Variants in DMD observed in about 807,000 individuals in gnomAD.
DMD encodes dystrophin, also known as mutant dystrophin.
Under a neutral mutation model 330.1 loss-of-function variants are expected in DMD, and 63 were observed. That is an observed-to-expected ratio of 0.19 (90% CI 0.16 to 0.24). The LOEUF (loss-of-function observed/expected upper bound fraction) is 0.24, where lower values mean the gene tolerates loss of function less well. Among genes scored for constraint, DMD ranks in the 10% least tolerant of loss-of-function variants. The pLI is 1.00. For synonymous variants in DMD, 1,223 were observed against 959.8 expected (o/e 1.27, Z -5.07); for missense variants, 3,344 against 2,684.1 (o/e 1.25, Z -5.43).
At chrX:31,469,714 C>T (rs2067152892) in intron 59 of DMD, among the ~76,000 whole-genome samples, 1 of 111,575 alleles carries the variant, frequency 9.0e-6, no homozygotes, top group Non-Finnish European at 1.9e-5. Flanking sequence ...GAATGTTGGC[C>T]TGTCTTGCTA....
chrX:31,816,303 T>C (rs905640388), intron 50 of DMD, among the ~76,000 whole-genome samples: 3 of 111,397 alleles, frequency 2.7e-5, no homozygotes, highest in Non-Finnish European at 5.6e-5. Context: ...TTATAATTTA[T>C]AATTTAAGTA....
chrX:32,865,663 T>C (rs760047870), intron 2 of DMD, among the ~76,000 whole-genome samples: 1 of 112,857 alleles, frequency 8.9e-6, no homozygotes, highest in East Asian at 2.8e-4. Flanking sequence ...TTTCACCCTT[T>C]CAAACATAAC....
chrX:31,381,354 G>A (rs1348141720), intron 60 of DMD, among the ~76,000 whole-genome samples: 1 of 111,663 alleles, frequency 9.0e-6, no homozygotes, highest in East Asian at 2.8e-4. Context: ...TCATGTCTGC[G>A]TGCGGCAGCC....
At chrX:32,001,220 C>T (rs1267419347) in intron 44 of DMD, among the ~76,000 whole-genome samples, 4 of 110,640 alleles carry the variant, frequency 3.6e-5, no homozygotes, top group African/African-American at 1.3e-4. Context: ...TGTCAAAACT[C>T]ATCAAACTGT....
chrX:31,751,012 G>A (rs1235814958), intron 51 of DMD, among the ~76,000 whole-genome samples: 1 of 108,894 alleles, frequency 9.2e-6, no homozygotes, highest in Non-Finnish European at 1.9e-5. Flanking sequence ...CAAACAAATG[G>A]AAGAACATTC....
chrX:32,496,087 C>A (rs1014927844), intron 19 of DMD, among the ~76,000 whole-genome samples: 1 of 111,741 alleles, frequency 8.9e-6, no homozygotes, highest in Non-Finnish European at 1.9e-5. Context: ...CAGTGCATAA[C>A]AGACTGTTAG....
chrX:32,382,816 A>G (rs1365346744), intron 33 of DMD, among the ~76,000 whole-genome samples: 1 of 110,583 alleles, frequency 9.0e-6, no homozygotes, highest in Non-Finnish European at 1.9e-5. Flanking sequence ...TGCAGTATTG[A>G]TTTTTATTTA....
chrX:32,067,127 G>T (rs917269811), intron 44 of DMD, among the ~76,000 whole-genome samples: 14 of 111,010 alleles, frequency 1.3e-4, no homozygotes, highest in African/African-American at 4.3e-4. Flanking sequence ...CATGGACAAA[G>T]AATGTTTTTA....
chrX:32,692,671 T>C (rs2063364501), intron 9 of DMD, among the ~76,000 whole-genome samples: 2 of 112,161 alleles, frequency 1.8e-5, no homozygotes, highest in Admixed American at 1.9e-4. Context: ...AAAAAGGATA[T>C]CCTTTTCCTT....
In DMD at chrX:32,329,810, T is replaced by C. The variant is rs774612736; in HGVS notation, c.5922+12290A>G. On this transcript the variant is annotated intron_variant, in intron 41 of 78. Transcript: ENST00000357033. ...CTTCTGGAACTTTCCCCAGTTAATT[T>C]ATTCTGGCGAGAAGTGCCCATGCAC... 2.7e-5 allele frequency among the ~76,000 whole-genome samples: 3 copies of C among 112,647 alleles called. No individual in the cohort carries two copies. In the East Asian group the frequency reaches 8.4e-4, roughly 32 times the overall value.
intron 1 of DMD, among the ~76,000 whole-genome samples, chrX:33,082,736 G>A (rs1354495369): frequency 8.9e-6 from 1 of 111,862 alleles, no homozygotes; most frequent in African/African-American, 3.3e-5. Context: ...ATCCCCACAT[G>A]GTCACAAGGT....
chrX:32,713,294 C>T (rs978999520), intron 7 of DMD, among the ~76,000 whole-genome samples: 1 of 111,712 alleles, frequency 9.0e-6, no homozygotes, highest in African/African-American at 3.3e-5. Context: ...TCTGCTTATT[C>T]TCTAAGTGGC....
At chrX:32,094,479 TTTAG>T (rs1603624865) in intron 44 of DMD, among the ~76,000 whole-genome samples, 1 of 111,804 alleles carries the variant, frequency 8.9e-6, no homozygotes, top group Admixed American at 9.5e-5. Context: ...TGCCAAAATG[TTTAG>T]TTATTTTTGT....
chrX:32,092,453 C>G (rs564269287), intron 44 of DMD, among the ~76,000 whole-genome samples: 1 of 111,724 alleles, frequency 9.0e-6, no homozygotes, highest in South Asian at 3.7e-4. Flanking sequence ...TTATTTGAAA[C>G]ACCACCACTA....
At chrX:32,662,104 C>T (rs59577533) in intron 9 of DMD, among the ~76,000 whole-genome samples, 3 of 110,829 alleles carry the variant, frequency 2.7e-5, no homozygotes, top group African/African-American at 9.9e-5. Context: ...TTCAAAATAG[C>T]CTCTAGTGGA....
At chrX:33,279,006 C>T (rs1037368442) in intron 1 of DMD, among the ~76,000 whole-genome samples, 5 of 111,057 alleles carry the variant, frequency 4.5e-5, no homozygotes, top group Non-Finnish European at 9.4e-5. Context: ...AGTGTTAGAC[C>T]GATCACTGAG....
At chrX:32,252,329 A>G (rs1231496728) in intron 43 of DMD, among the ~76,000 whole-genome samples, 3 of 109,712 alleles carry the variant, frequency 2.7e-5, no homozygotes, top group Non-Finnish European at 5.7e-5. Flanking sequence ...TTTTGTTAGA[A>G]TATCTCATAG....
Position 33,051,409 on chromosome X carries a change from A to G in DMD, c.32-31209T>C, listed in dbSNP as rs187484246. Among the ~76,000 whole-genome samples, 18 of 107,801 alleles carry G rather than the reference A, an allele frequency of 1.7e-4. No individual in the cohort carries two copies. In the East Asian group the frequency reaches 5.0e-3, roughly 30 times the overall value. The allele number at this position is 107,801 out of a possible 115,157, so 93.6% of individuals were successfully genotyped here. A position where few individuals can be genotyped will look rare whatever the true frequency, so the allele number is the denominator to read the frequency against. ...GTATTTTTAGTAGAGAAGGGGTTTC[A>G]TCACGTTGGCTAGGCTGGTCTCAAA... On this transcript the variant is annotated intron_variant, in intron 1 of 78. Coordinates refer to ENST00000357033, the MANE Select transcript of DMD (RefSeq NM_004006.3).
intron 43 of DMD, among the ~76,000 whole-genome samples, chrX:32,236,661 T>C (rs911689716): frequency 8.9e-6 from 1 of 111,775 alleles, no homozygotes; most frequent in Non-Finnish European, 1.9e-5. Flanking sequence ...AAGATGTGAC[T>C]TGCTCCTCCT....
Sources: gnomAD v4.1 joint callset for allele counts (sites outside exome capture counted in the v4.1 genomes callset) on GRCh38, gnomAD v4.1.1 for gene constraint, MANE v1.5 for transcripts, NCBI Gene and HGNC (gene_info 2026-07-23, HGNC 2026-07-21) for gene names.